HPSE2: variants seen among roughly 807,000 people sequenced by gnomAD.
HPSE2 encodes the protein heparanase 2 (inactive), also known as inactive heparanase-2.
HPSE2 carries 38 observed loss-of-function variants against 60.5 expected under a neutral mutation model. That is an observed-to-expected ratio of 0.63 (90% confidence interval 0.48 to 0.82). HPSE2 has a LOEUF of 0.82. Ranked by LOEUF, HPSE2 falls within the 40% of genes least tolerant of loss-of-function variation. HPSE2 has a pLI of 0.00. For missense variants in HPSE2, 713 were observed against 740.4 expected (o/e 0.96, Z 0.43); for synonymous variants, 295 against 293.2 (o/e 1.01, Z -0.06).
chr10:98,702,836 T>C (rs1475543560), intron 5 of HPSE2, among the ~76,000 whole-genome samples: 2 of 152,088 alleles, frequency 1.3e-5, no homozygotes, highest in Non-Finnish European at 2.9e-5. Flanking sequence ...GCTGGAAAGA[T>C]GTCAAATCAA....
intron 3 of HPSE2, among the ~76,000 whole-genome samples, chr10:99,086,697 A>G (rs1172184461): frequency 2.0e-5 from 3 of 152,180 alleles, no homozygotes; most frequent in Admixed American, 6.5e-5. Flanking sequence ...ACCTTTCTAT[A>G]TATTTGAATT....
chr10:98,532,450 C>G (rs1218067625), intron 9 of HPSE2, among the ~76,000 whole-genome samples: 4 of 152,108 alleles, frequency 2.6e-5, no homozygotes, highest in African/African-American at 9.7e-5. Flanking sequence ...CTTTGCCTCA[C>G]TTATCTGAAA....
At chr10:99,170,976 T>C (rs931863486) in intron 2 of HPSE2, among the ~76,000 whole-genome samples, 6 of 152,260 alleles carry the variant, frequency 3.9e-5, no homozygotes, top group Non-Finnish European at 8.8e-5. Context: ...CTAGAGATTA[T>C]TTGAAGTATA....
chr10:98,459,931 C>A (rs917578883), intron 11 of HPSE2, among the ~76,000 whole-genome samples, 192 bp from the exon 12 acceptor site: 1 of 152,124 alleles, frequency 6.6e-6, no homozygotes, highest in African/African-American at 2.4e-5. Flanking sequence ...CAACAACCCC[C>A]CCACTCCCCT....
chr10:99,088,817 A>T (rs1843416118), intron 3 of HPSE2, among the ~76,000 whole-genome samples: 1 of 152,164 alleles, frequency 6.6e-6, no homozygotes, highest in African/African-American at 2.4e-5. Flanking sequence ...TTACATTCCC[A>T]CCAACAGTGT....
In HPSE2 at chr10:99,022,634, T is replaced by A. The variant is rs1589531946; in HGVS notation, c.610+121604A>T. Among the ~76,000 whole-genome samples the A allele has an allele frequency of 2.0e-5, 3 of 152,250 alleles. No homozygotes were observed. In the East Asian group the frequency reaches 5.8e-4, roughly 29 times the overall value. ...AAAAGAAAGAGTAGGGAAGACTTTG[T>A]CTTGCATCTTGGATACCTGCTCAGC... is the stretch of plus-strand genomic sequence containing the variant. On this transcript the variant is annotated intron_variant, in intron 3 of 11. Transcript: ENST00000370552.
In HPSE2 at chr10:98,590,420, G is replaced by A. The variant is rs1185968246; in HGVS notation, c.1320+24484C>T. Among the ~76,000 whole-genome samples the A allele has an allele frequency of 2.6e-5, 4 of 152,228 alleles. No homozygotes were observed. In the East Asian group the frequency reaches 7.7e-4, roughly 29 times the overall value. The stretch of plus-strand genomic sequence containing the variant: ...ATTGCACCACTGCACTCCAGCCTGG[G>A]TGGGAATCTCTGGTTATGCTTCTAG... On this transcript the variant is annotated intron_variant, in intron 9 of 11. Coordinates refer to ENST00000370552, the MANE Select transcript of HPSE2 (RefSeq NM_021828.5).
intron 11 of HPSE2, chr10:98,461,808 C>T (rs1398414078): frequency 1.3e-6 from 2 of 1,595,912 alleles, no homozygotes; most frequent in Non-Finnish European, 1.7e-6. Flanking sequence ...ACAGTATTGA[C>T]ATCTTTGGGT....
intron 2 of HPSE2, among the ~76,000 whole-genome samples, chr10:99,176,455 C>T (rs7916719): frequency 0.012 from 1,891 of 152,116 alleles, 40 homozygotes; most frequent in African/African-American, 0.043. Context: ...AAAAACACAA[C>T]ACAAGAACTT....
At chr10:98,636,358 G>A (rs181517619) in intron 7 of HPSE2, among the ~76,000 whole-genome samples, 2 of 152,060 alleles carry the variant, frequency 1.3e-5, no homozygotes, top group East Asian at 3.9e-4. Flanking sequence ...TCCTGCCTCA[G>A]CCACCTGAGT....
At chr10:99,131,212 T>C (rs1029344632) in intron 3 of HPSE2, among the ~76,000 whole-genome samples, 3 of 152,196 alleles carry the variant, frequency 2.0e-5, no homozygotes, top group African/African-American at 7.2e-5. Context: ...AAGCCATCTA[T>C]GACAAACTCA....
chr10:99,220,602 A>G (rs1849275744), intron 2 of HPSE2, among the ~76,000 whole-genome samples: 1 of 152,034 alleles, frequency 6.6e-6, no homozygotes, highest in African/African-American at 2.4e-5. Context: ...CAAGAGATCG[A>G]GACCATCCTG....
intron 2 of HPSE2, among the ~76,000 whole-genome samples, chr10:99,152,858 G>T (rs969641035): frequency 1.3e-5 from 2 of 152,216 alleles, no homozygotes; most frequent in Non-Finnish European, 2.9e-5. Context: ...CCTCACTAGG[G>T]AGTGCCAGAC....
At position 98,579,038 on chromosome 10, in the gene HPSE2, G is replaced by A. The variant is rs556515002; in HGVS notation, c.1320+35866C>T. On this transcript the variant is annotated intron_variant, in intron 9 of 11. Transcript: ENST00000370552. ...TAAAATAGTTTTAATTGTATATAAT[G>A]TGGGGCTCCCAGATCTATACCAATT... 3.2e-4 allele frequency among the ~76,000 whole-genome samples: 49 copies of A among 152,290 alleles called. No individual in the cohort carries two copies. The Middle Eastern group carries it at 0.02, about 63-fold the overall frequency.
At chr10:99,272,269 C>A in the HPSE2 span, among the ~76,000 whole-genome samples, 177 of 137,754 alleles carry the variant, frequency 1.3e-3, 1 homozygote, top group South Asian at 3.3e-3. Context: ...GACTCCATCT[C>A]AAAAAAAAAA....
chr10:98,497,303 G>T (rs1941876685), intron 9 of HPSE2, among the ~76,000 whole-genome samples: 1 of 152,034 alleles, frequency 6.6e-6, no homozygotes. Flanking sequence ...ATTATTTGAG[G>T]ATTTGCTGTA....
intron 3 of HPSE2, among the ~76,000 whole-genome samples, chr10:99,129,998 C>T (rs1485443273): frequency 2.6e-5 from 4 of 151,998 alleles, no homozygotes; most frequent in Non-Finnish European, 5.9e-5. Flanking sequence ...CTACCAGGAA[C>T]ACCTTTACGT....
At chr10:99,154,047 A>G (rs1846410478) in intron 2 of HPSE2, among the ~76,000 whole-genome samples, 1 of 151,878 alleles carries the variant, frequency 6.6e-6, no homozygotes, top group African/African-American at 2.4e-5. Context: ...AGGGAAGTTT[A>G]GAGAAAAAAG....
chr10:99,083,050 A>C (rs967599034), intron 3 of HPSE2, among the ~76,000 whole-genome samples: 2 of 152,222 alleles, frequency 1.3e-5, no homozygotes, highest in Non-Finnish European at 2.9e-5. Context: ...TGGGGAATTG[A>C]GAAGATGTTT....
Sources: gnomAD v4.1 joint callset for allele counts (sites outside exome capture counted in the v4.1 genomes callset) on GRCh38, gnomAD v4.1.1 for gene constraint, MANE v1.5 for transcripts, NCBI Gene and HGNC (gene_info 2026-07-23, HGNC 2026-07-21) for gene names.